Variants in LAP3 observed in about 807,000 individuals in gnomAD.
LAP3 encodes the protein leucine aminopeptidase 3.
In LAP3, 46 loss-of-function variants were observed where a neutral mutation model predicts 58.8. The ratio of observed to expected loss-of-function variants is 0.78; its 90% CI spans 0.62 to 1.00. LAP3 has a LOEUF of 1.00. LAP3 is among the 50% of genes least tolerant of loss of function. The pLI, the probability that LAP3 is intolerant of heterozygous loss-of-function variation, is 0.00. For missense variants in LAP3, 615 were observed against 659.1 expected, an observed-to-expected ratio of 0.93 and a Z score of 0.73; for synonymous variants, 257 against 237.7, an observed-to-expected ratio of 1.08 and a Z score of -0.75.
chr4:17,607,688 G>A lies in LAP3; in HGVS notation c.*99G>A. ...ATGAAAATCTTTTAACGGAGACAAAGGATGGTATTTAAAAATGTAGAACAC... is the reference window on the plus strand; with the variant it reads ...ATGAAAATCTTTTAACGGAGACAAAAGATGGTATTTAAAAATGTAGAACAC... On this transcript the variant is annotated 3_prime_UTR_variant, in exon 13 of 13. Transcript: ENST00000226299. 1.1e-6 allele frequency: 1 copy of A among 906,372 alleles called. No individual in the cohort carries two copies. The allele number at this position is 906,372 out of a possible 1,614,324, so 56.1% of individuals were successfully genotyped here. A position where few individuals can be genotyped will look rare whatever the true frequency, so the allele number is the denominator to read the frequency against.
Position 17,582,332 on chromosome 4 carries a change from T to C in LAP3, c.318T>C (p.Ala106=), listed in dbSNP as rs1173394976. The C allele has an allele frequency of 6.2e-7, 1 of 1,614,188 alleles. No individual in the cohort carries two copies. The highest frequency in any genetic ancestry group is 1.7e-5 in the Admixed American group (1 of 60,008). The part of the protein sequence containing the change: ...VVLVGLGKKA[A]GIDEQENWHE... ...TAGTTGGCCTCGGCAAAAAGGCAGCTGGAATCGACGAACAGGAAAACTGGC... is the reference window on the plus strand; with the variant it reads ...TAGTTGGCCTCGGCAAAAAGGCAGCCGGAATCGACGAACAGGAAAACTGGC... Residue 106 remains alanine, a synonymous_variant, in exon 4 of 13, where the codon GCT becomes GCC. Transcript: ENST00000226299.
At chr4:17,594,608 G>T (rs559360968) in intron 7 of LAP3, among the ~76,000 whole-genome samples, 6 of 152,326 alleles carry the variant, frequency 3.9e-5, no homozygotes, top group South Asian at 4.1e-4. Context: ...AGAAGCCTCT[G>T]GGGGTCAGGT....
At chr4:17,586,087 G>T (rs1395126735) in intron 6 of LAP3, 1 of 152,200 alleles carries the variant, frequency 6.6e-6, no homozygotes, top group Non-Finnish European at 1.5e-5. Flanking sequence ...TCCAGCATTG[G>T]TGCTCCCAGG....
At chr4:17,597,919 A>G (rs79386687) in intron 9 of LAP3, among the ~76,000 whole-genome samples, 1 of 152,262 alleles carries the variant, frequency 6.6e-6, no homozygotes, top group African/African-American at 2.4e-5. Context: ...CCTCTATTTA[A>G]AAGAAAGGAA....
intron 10 of LAP3, among the ~76,000 whole-genome samples, chr4:17,600,410 G>T (rs3796814): frequency 4.1e-5 from 6 of 147,406 alleles, no homozygotes; most frequent in South Asian, 2.2e-4. Flanking sequence ...CTTCTAGGGT[G>T]GGGGGTTGGG....
chr4:17,590,244 A>C (rs1241833800), intron 7 of LAP3, among the ~76,000 whole-genome samples: 2 of 152,210 alleles, frequency 1.3e-5, no homozygotes, highest in Admixed American at 1.3e-4. Context: ...TTACCTGGAA[A>C]CTACTTTGGA....
chr4:17,579,273 A>G (rs1336514748), intron 1 of LAP3, among the ~76,000 whole-genome samples: 5 of 152,174 alleles, frequency 3.3e-5, no homozygotes, highest in African/African-American at 1.2e-4. Context: ...GTACAGGTCC[A>G]TTTTGGTGTT....
chr4:17,578,424 C>T (rs1205193005), intron 1 of LAP3, among the ~76,000 whole-genome samples: 1 of 152,146 alleles, frequency 6.6e-6, no homozygotes, highest in African/African-American at 2.4e-5. Context: ...TTACCAATGC[C>T]AAGGAAGGCC....
Position 17,581,791 on chromosome 4 carries a change from C to T in LAP3, c.250C>T (p.Arg84Ter), listed in dbSNP as rs759364280. The change falls in exon 3 of 13, where the codon CGA (arginine) becomes TGA (stop). Residue 84 changes from arginine to a stop codon, truncating the protein, a stop_gained. Coordinates refer to ENST00000226299, the MANE Select transcript of LAP3 (RefSeq NM_015907.3). LOFTEE classifies it high-confidence loss of function. Reference sequence around the variant, plus strand: ...ACCACCTCTGAAGGCAGGGAAGACTCGAACCTTTTATGGTCTGCATCAGGT... The same window carrying T: ...ACCACCTCTGAAGGCAGGGAAGACTTGAACCTTTTATGGTCTGCATCAGGT... ...SGPPLKAGKT[R>*]TFYGLHQDFP... 4 of 1,613,808 alleles carry T rather than the reference C, an allele frequency of 2.5e-6. No homozygotes were observed. The highest frequency in any genetic ancestry group is 1.1e-5 in the South Asian group (1 of 91,054).
At chr4:17,596,980 T>G (rs1360369526) in intron 8 of LAP3, 66 bp from the exon 9 acceptor site, 1 of 1,497,098 alleles carries the variant, frequency 6.7e-7, no homozygotes, top group Non-Finnish European at 9.3e-7. Context: ...AGGTGGCCTC[T>G]TGTCCCATAG....
chr4:17,579,502 G>A (rs1253270911), intron 1 of LAP3, among the ~76,000 whole-genome samples: 2 of 152,164 alleles, frequency 1.3e-5, no homozygotes, highest in Non-Finnish European at 2.9e-5. Context: ...GGTCTATCTT[G>A]GTGACAAATA....
Position 17,592,168 on chromosome 4 carries a change from C to G in LAP3, c.863+3191C>G, listed in dbSNP as rs76625886. Among the ~76,000 whole-genome samples the G allele has an allele frequency of 2.0e-5, 3 of 152,306 alleles. No individual in the cohort carries two copies. In the East Asian group the frequency reaches 5.8e-4, roughly 29 times the overall value. On this transcript the variant is annotated intron_variant, in intron 7 of 12. Transcript: ENST00000226299. ...AAGAACAAATGTATACACCTATGCA[C>G]CGTTCACCACTGTCAGGAAAATACA... is the stretch of plus-strand genomic sequence containing the variant.
At position 17,582,341 on chromosome 4, in the gene LAP3, C is replaced by T. The variant is rs140115256; in HGVS notation, c.327C>T (p.Asp109=). Residue 109 remains aspartate (D), a synonymous_variant, in exon 4 of 13, where the codon GAC becomes GAT. Coordinates refer to ENST00000226299, the MANE Select transcript of LAP3 (RefSeq NM_015907.3). The stretch of plus-strand genomic sequence containing the variant: ...TCGGCAAAAAGGCAGCTGGAATCGA[C>T]GAACAGGAAAACTGGCATGAAGGCA... ...VGLGKKAAGI[D]EQENWHEGKE... 2.0e-5 allele frequency: 33 copies of T among 1,614,106 alleles called. No individual in the cohort carries two copies. In the South Asian group the frequency reaches 2.1e-4, roughly 10 times the overall value.
intron 7 of LAP3, among the ~76,000 whole-genome samples, chr4:17,592,850 C>T (rs529125865): frequency 3.2e-4 from 49 of 152,344 alleles, no homozygotes; most frequent in South Asian, 1.7e-3. Context: ...GCTCTGTCAC[C>T]CAGGCTGGAG....
chr4:17,583,676 C>T, intron 5 of LAP3, 34 bp downstream of exon 5: 1 of 1,611,464 alleles, frequency 6.2e-7, no homozygotes, highest in Middle Eastern at 1.7e-4. Flanking sequence ...GGGTGGTGCT[C>T]CCTGGCGTTC....
intron 11 of LAP3, among the ~76,000 whole-genome samples, chr4:17,604,901 G>A (rs911737912): frequency 9.9e-5 from 15 of 152,120 alleles, no homozygotes; most frequent in African/African-American, 1.9e-4. Flanking sequence ...TCAGCGTCCT[G>A]TGAAAATATC....
At chr4:17,584,386 C>T (rs562193224) in intron 5 of LAP3, among the ~76,000 whole-genome samples, 56 of 152,230 alleles carry the variant, frequency 3.7e-4, no homozygotes, top group Non-Finnish European at 5.6e-4. Flanking sequence ...AGGCCATCTA[C>T]TGTTACTCAC....
intron 7 of LAP3, among the ~76,000 whole-genome samples, chr4:17,595,000 A>G (rs1233451724): frequency 6.6e-6 from 1 of 152,012 alleles, no homozygotes; most frequent in East Asian, 2.0e-4. Context: ...ATTCAAGTAG[A>G]AATAAAATGA....
intron 7 of LAP3, 57 bp downstream of exon 7, chr4:17,589,034 A>G (rs950273546): frequency 6.4e-7 from 1 of 1,550,870 alleles, no homozygotes; most frequent in Admixed American, 1.9e-5. Context: ...GTGCAGTTTA[A>G]TTACTTGGTT....
Sources: gnomAD v4.1 joint callset for allele counts (sites outside exome capture counted in the v4.1 genomes callset) on GRCh38, gnomAD v4.1.1 for gene constraint, MANE v1.5 for transcripts, NCBI Gene and HGNC (gene_info 2026-07-23, HGNC 2026-07-21) for gene names.